SLC20A2: variants seen among roughly 807,000 people sequenced by gnomAD.
SLC20A2 encodes solute carrier family 20 member 2, also known as sodium-dependent phosphate transporter 2.
SLC20A2 carries 30 observed loss-of-function variants against 61.0 expected under a neutral mutation model. The ratio of observed to expected loss-of-function variants is 0.49; its 90% CI spans 0.37 to 0.67. SLC20A2 has a LOEUF of 0.67. Among genes scored for constraint, SLC20A2 ranks in the 30% least tolerant of loss-of-function variants. The pLI is 0.00. For missense variants in SLC20A2, 626 were observed against 866.4 expected, an observed-to-expected ratio of 0.72 and a Z score of 3.48; for synonymous variants, 351 against 353.3, an observed-to-expected ratio of 0.99 and a Z score of 0.07.
chr8:42,428,990 G>A lies in SLC20A2; in HGVS notation c.1710-148C>T, dbSNP rs79300815. 3.1e-3 allele frequency: 1,837 copies of A among 601,334 alleles called. 40 individuals are homozygous for A. In the African/African-American group the frequency reaches 0.033, roughly 11 times the overall value. 37.2% of individuals were successfully genotyped at this position (601,334 alleles called of 1,614,324 possible). On this transcript the variant is annotated intron_variant, in intron 9 of 10. Coordinates refer to ENST00000520262, the MANE Select transcript of SLC20A2 (RefSeq NM_001257180.2). ...ATCAATTTTAACAGAACAAGAGGCCGCTGCTCAACAACAGCAATTCCCACC... is the reference window on the plus strand; with the variant it reads ...ATCAATTTTAACAGAACAAGAGGCCACTGCTCAACAACAGCAATTCCCACC...
At chr8:42,458,250 T>C (rs1212780071) in intron 5 of SLC20A2, among the ~76,000 whole-genome samples, 1 of 152,220 alleles carries the variant, frequency 6.6e-6, no homozygotes. Context: ...AACAGAATGC[T>C]ACTAGCTCAT....
intron 6 of SLC20A2, among the ~76,000 whole-genome samples, chr8:42,441,532 G>A (rs940366841): frequency 1.3e-5 from 2 of 150,880 alleles, no homozygotes; most frequent in Admixed American, 6.6e-5. Flanking sequence ...GCTGTGGCGC[G>A]ATCTCGGATC....
intron 1 of SLC20A2, among the ~76,000 whole-genome samples, chr8:42,490,979 CAGAGT>C (rs1474250722): frequency 9.9e-5 from 15 of 152,020 alleles, no homozygotes; most frequent in African/African-American, 2.7e-4. Flanking sequence ...TTTTAGTCTT[CAGAGT>C]AAAGATAAAA....
intron 1 of SLC20A2, among the ~76,000 whole-genome samples, chr8:42,527,144 G>A (rs1423620102): frequency 4.6e-5 from 7 of 151,070 alleles, no homozygotes; most frequent in South Asian, 4.2e-4. Context: ...GGTGGCTCGC[G>A]CCTGTAACCC....
At chr8:42,530,770 C>T (rs1812269548) in intron 1 of SLC20A2, among the ~76,000 whole-genome samples, 1 of 152,138 alleles carries the variant, frequency 6.6e-6, no homozygotes, top group African/African-American at 2.4e-5. Flanking sequence ...GGCTGGAGTG[C>T]AGTGGCATGA....
intron 1 of SLC20A2, among the ~76,000 whole-genome samples, chr8:42,494,638 G>A: frequency 6.6e-6 from 1 of 152,264 alleles, no homozygotes; most frequent in African/African-American, 2.4e-5. Flanking sequence ...ATTTCAAATG[G>A]CTGCGTAGTG....
Position 42,450,554 on chromosome 8 carries a change from C to T in SLC20A2, c.614-5792G>A, listed in dbSNP as rs568025032. Among the ~76,000 whole-genome samples, 11 of 150,102 alleles carry T rather than the reference C, an allele frequency of 7.3e-5. No homozygotes were observed. The East Asian group carries it at 2.0e-3, about 27-fold the overall frequency. ...TCTTTTTTTGTTTGAGATGGAGTCTCGCTCTGTCGCCCAGGCTGGAATGCA... is the reference window on the plus strand; with the variant it reads ...TCTTTTTTTGTTTGAGATGGAGTCTTGCTCTGTCGCCCAGGCTGGAATGCA... On this transcript the variant is annotated intron_variant, in intron 5 of 10. Transcript: ENST00000520262.
At chr8:42,538,822 C>T (rs999062657) in intron 1 of SLC20A2, among the ~76,000 whole-genome samples, 2 of 152,192 alleles carry the variant, frequency 1.3e-5, no homozygotes, top group African/African-American at 4.8e-5. Context: ...CAGTGAAAAA[C>T]ATACAGAAAT....
intron 1 of SLC20A2, among the ~76,000 whole-genome samples, chr8:42,525,747 G>A (rs1811893169): frequency 6.6e-6 from 1 of 151,980 alleles, no homozygotes; most frequent in South Asian, 2.1e-4. Flanking sequence ...AATTATAGTA[G>A]AGTACATTCT....
intron 1 of SLC20A2, among the ~76,000 whole-genome samples, chr8:42,474,934 TG>T (rs34697064): frequency 1.6e-5 from 1 of 63,226 alleles, no homozygotes; most frequent in Non-Finnish European, 3.2e-5. Context: ...GTGTGGGGGG[TG>T]GGGGGGACAC....
intron 1 of SLC20A2, among the ~76,000 whole-genome samples, chr8:42,508,999 G>A (rs1810880878): frequency 6.6e-6 from 1 of 152,086 alleles, no homozygotes; most frequent in African/African-American, 2.4e-5. Flanking sequence ...TTCTCACTGT[G>A]CCTTCATCAC....
At chr8:42,484,378 T>C (rs1215673605) in intron 1 of SLC20A2, among the ~76,000 whole-genome samples, 1 of 152,236 alleles carries the variant, frequency 6.6e-6, no homozygotes, top group African/African-American at 2.4e-5. Flanking sequence ...TCATCTTCTA[T>C]GGAGACTGAG....
At chr8:42,494,183 A>G (rs1261436038) in intron 1 of SLC20A2, among the ~76,000 whole-genome samples, 3 of 152,200 alleles carry the variant, frequency 2.0e-5, no homozygotes, top group African/African-American at 7.2e-5. Context: ...TGATAAATAT[A>G]GAAAATGAGA....
chr8:42,488,352 AT>A (rs986897594), intron 1 of SLC20A2, among the ~76,000 whole-genome samples: 2 of 149,468 alleles, frequency 1.3e-5, no homozygotes, highest in Non-Finnish European at 3.0e-5. Flanking sequence ...CACCTGGCTA[AT>A]TTTTTTTTGT....
intron 1 of SLC20A2, among the ~76,000 whole-genome samples, chr8:42,539,613 C>G (rs985523820): frequency 3.9e-5 from 6 of 152,288 alleles, no homozygotes; most frequent in Admixed American, 1.3e-4. Flanking sequence ...AGCCAGTCCA[C>G]TGTTTTTTAT....
In SLC20A2 at chr8:42,522,905, G is replaced by A. The variant is rs1333917602; in HGVS notation, c.-265+18916C>T. On this transcript the variant is annotated intron_variant, in intron 1 of 10. Transcript: ENST00000342228. The stretch of plus-strand genomic sequence containing the variant: ...AAAAAAAAAAATCTGTAGAGATGGC[G>A]GGGTGGGGGGGGTCTCTCTGTGTTG... 6.5e-4 allele frequency among the ~76,000 whole-genome samples: 47 copies of A among 72,148 alleles called. 3 individuals are homozygous for A. Among genetic ancestry groups the A allele is most frequent in the African/African-American group, 4.0e-3 (41 of 10,362 alleles). The allele number at this position is 72,148 out of a possible 152,430, so 47.3% of individuals were successfully genotyped here. A position where few individuals can be genotyped will look rare whatever the true frequency, so the allele number is the denominator to read the frequency against.
chr8:42,497,308 C>T (rs955003058), intron 1 of SLC20A2, among the ~76,000 whole-genome samples: 1 of 152,182 alleles, frequency 6.6e-6, no homozygotes. Context: ...ATAATACCCT[C>T]CATCTTTGCA....
At chr8:42,503,205 CT>C (rs1810429978), upstream of SLC20A2, among the ~76,000 whole-genome samples, 1 of 152,210 alleles carries the variant, frequency 6.6e-6, no homozygotes, top group Non-Finnish European at 1.5e-5. Flanking sequence ...AGTCATTCTG[CT>C]GCTTCCTTTT....
At chr8:42,469,676 T>A (rs1807470091) in intron 2 of SLC20A2, among the ~76,000 whole-genome samples, 1 of 152,174 alleles carries the variant, frequency 6.6e-6, no homozygotes, top group African/African-American at 2.4e-5. Context: ...ACGCCTGTAA[T>A]CCCAGCACTT....
Sources: gnomAD v4.1 joint callset for allele counts (sites outside exome capture counted in the v4.1 genomes callset) on GRCh38, gnomAD v4.1.1 for gene constraint, MANE v1.5 for transcripts, NCBI Gene and HGNC (gene_info 2026-07-23, HGNC 2026-07-21) for gene names.